Variants in UGGT2 observed in about 807,000 individuals in gnomAD.
UGGT2 encodes UDP-glucose:glycoprotein glucosyltransferase 2.
Under a neutral mutation model 192.1 loss-of-function variants are expected in UGGT2, and 180 were observed. The observed-to-expected ratio is 0.94, with a 90% confidence interval of 0.83 to 1.06. The LOEUF (loss-of-function observed/expected upper bound fraction) is 1.06. UGGT2 is among the 50% of genes least tolerant of loss of function. UGGT2 has a pLI of 0.00. For missense variants in UGGT2, 1,849 were observed against 1,795.7 expected, an observed-to-expected ratio of 1.03 and a Z score of -0.54; for synonymous variants, 580 against 591.0, an observed-to-expected ratio of 0.98 and a Z score of 0.27.
At chr13:95,940,275 T>C (rs939172944) in intron 15 of UGGT2, among the ~76,000 whole-genome samples, 184 bp from the exon 16 acceptor site, 7 of 151,882 alleles carry the variant, frequency 4.6e-5, no homozygotes, top group East Asian at 1.9e-4. Flanking sequence ...TTTTAAAATA[T>C]TCTATAGTTT....
In UGGT2 at chr13:95,958,594, C is replaced by CT. The variant is rs747029590; in HGVS notation, c.1336-9141dup. 9.0e-3 allele frequency among the ~76,000 whole-genome samples: 1,184 copies of CT among 131,266 alleles called. 9 individuals carry two copies. Among genetic ancestry groups the CT allele is most frequent in the African/African-American group, 0.019 (665 of 35,716 alleles). 86.1% of individuals were successfully genotyped at this position (131,266 alleles called of 152,430 possible). A position where few individuals can be genotyped will look rare whatever the true frequency, so the allele number is the denominator to read the frequency against. On this transcript the variant is annotated intron_variant, in intron 12 of 38. Coordinates refer to ENST00000376747, the MANE Select transcript of UGGT2 (RefSeq NM_020121.4). The stretch of plus-strand genomic sequence containing the variant: ...CAGAGAGGATTTTTCCCCTTAAGAT[C>CT]TTTTTTTTTTTTTTTTTTAAGAAGG...
chr13:95,875,879 G>A (rs4406928), intron 29 of UGGT2, among the ~76,000 whole-genome samples: 6,772 of 152,200 alleles, frequency 0.044, 299 homozygotes, highest in East Asian at 0.14. Context: ...TGAGCACAAC[G>A]TGTGGTATAA....
chr13:95,905,277 CT>C (rs2048249951), intron 20 of UGGT2, among the ~76,000 whole-genome samples: 1 of 147,458 alleles, frequency 6.8e-6, no homozygotes, highest in Admixed American at 6.8e-5. Flanking sequence ...GTTTCTTTTG[CT>C]GTGCAGAAGC....
intron 36 of UGGT2, among the ~76,000 whole-genome samples, chr13:95,847,070 T>C (rs1391225031): frequency 1.3e-5 from 2 of 150,832 alleles, no homozygotes; most frequent in Admixed American, 1.3e-4. Flanking sequence ...TCTTTTTTTT[T>C]TTTATTTTAC....
intron 29 of UGGT2, among the ~76,000 whole-genome samples, chr13:95,869,289 G>A (rs1033947358): frequency 6.6e-6 from 1 of 151,956 alleles, no homozygotes; most frequent in Non-Finnish European, 1.5e-5. Context: ...GTCTATCATT[G>A]TTGGACATTT....
chr13:95,823,067 T>C (rs1275091426), intron 38 of UGGT2, among the ~76,000 whole-genome samples: 1 of 152,130 alleles, frequency 6.6e-6, no homozygotes, highest in Non-Finnish European at 1.5e-5. Context: ...CAGGAGCAGA[T>C]TATTTAATTT....
At chr13:95,978,162 A>G (rs937443897) in intron 10 of UGGT2, among the ~76,000 whole-genome samples, 9 of 152,270 alleles carry the variant, frequency 5.9e-5, no homozygotes, top group East Asian at 1.9e-4. Context: ...CATGTTCTGC[A>G]TATGTATCCC....
At chr13:95,878,778 A>T (rs1433665691) in intron 27 of UGGT2, among the ~76,000 whole-genome samples, 3 of 152,192 alleles carry the variant, frequency 2.0e-5, no homozygotes, top group Non-Finnish European at 1.5e-5. Flanking sequence ...TCTGTATTGT[A>T]TAGTTGTTTT....
intron 38 of UGGT2, among the ~76,000 whole-genome samples, chr13:95,827,943 A>G (rs930809106): frequency 6.6e-6 from 1 of 152,174 alleles, no homozygotes; most frequent in African/African-American, 2.4e-5. Context: ...GCATGAGAAT[A>G]TAGTTTCTTC....
intron 1 of UGGT2, among the ~76,000 whole-genome samples, chr13:96,041,597 C>CAAGTTCTCAGCCCTGCTCGCCCACCACCT (rs1338268970): frequency 6.6e-6 from 1 of 152,124 alleles, no homozygotes; most frequent in African/African-American, 2.4e-5. Context: ...TAGCCTGGGG[C>CAAGTTCTCAGCCCTGCTCGCCCACCACCT]AAGTTCTCAG....
intron 20 of UGGT2, among the ~76,000 whole-genome samples, chr13:95,914,660 C>T (rs1017954849): frequency 1.5e-5 from 2 of 133,230 alleles, no homozygotes; most frequent in African/African-American, 5.7e-5. Context: ...ATTAGCTGGG[C>T]GTGGTGATGC....
At chr13:95,925,544 G>A (rs2048990464) in intron 20 of UGGT2, 136 bp downstream of exon 20, 2 of 596,040 alleles carry the variant, frequency 3.4e-6, no homozygotes, top group Non-Finnish European at 5.4e-6. Flanking sequence ...TTTACATGAA[G>A]ACTAAATCTG....
intron 16 of UGGT2, among the ~76,000 whole-genome samples, chr13:95,938,139 G>C (rs1185968982): frequency 6.6e-6 from 1 of 152,200 alleles, no homozygotes; most frequent in African/African-American, 2.4e-5. Context: ...ACGTGGAACT[G>C]TAAGTCCATT....
intron 5 of UGGT2, among the ~76,000 whole-genome samples, chr13:95,999,857 A>G (rs2051743034): frequency 6.6e-6 from 1 of 152,208 alleles, no homozygotes; most frequent in Non-Finnish European, 1.5e-5. Context: ...CCACAAATTA[A>G]CATCTGTTCT....
chr13:95,925,564 G>T, intron 20 of UGGT2, 116 bp downstream of exon 20: 1 of 709,236 alleles, frequency 1.4e-6, no homozygotes, highest in Admixed American at 3.8e-5. Context: ...GAATTCCTTC[G>T]TCTACTTAAC....
At chr13:95,949,185 CCAGTCAGCCATGCCACCT>C (rs1393625806) in intron 13 of UGGT2, 132 bp downstream of exon 13, 14 of 617,542 alleles carry the variant, frequency 2.3e-5, no homozygotes, top group Non-Finnish European at 3.2e-5. Context: ...TTGTTGATAC[CCAGTCAGCCATGCCACCT>C]AAGCTTGCTG....
chr13:95,928,295 G>A (rs1031192841), intron 17 of UGGT2, among the ~76,000 whole-genome samples: 10 of 151,396 alleles, frequency 6.6e-5, no homozygotes, highest in African/African-American at 2.4e-4. Flanking sequence ...GCCGGGCAGG[G>A]GCTGCCCCCC....
intron 16 of UGGT2, 45 bp from the exon 17 acceptor site, chr13:95,937,133 T>G: frequency 6.5e-7 from 1 of 1,545,054 alleles, no homozygotes; most frequent in Non-Finnish European, 8.7e-7. Flanking sequence ...AATATGATTG[T>G]TTGAATAATA....
At chr13:95,944,652 A>G (rs1566737480) in intron 15 of UGGT2, among the ~76,000 whole-genome samples, 2 of 151,946 alleles carry the variant, frequency 1.3e-5, no homozygotes, top group Non-Finnish European at 1.5e-5. Flanking sequence ...ATTAATGTAT[A>G]TTCTTATTAC....
Sources: gnomAD v4.1 joint callset for allele counts (sites outside exome capture counted in the v4.1 genomes callset) on GRCh38, gnomAD v4.1.1 for gene constraint, MANE v1.5 for transcripts, NCBI Gene and HGNC (gene_info 2026-07-23, HGNC 2026-07-21) for gene names.